WWOX: variants seen among roughly 807,000 people sequenced by gnomAD.
WWOX encodes the protein WW domain containing oxidoreductase.
A neutral mutation model predicts 46.2 loss-of-function variants in WWOX; 69 were observed. The ratio of observed to expected loss-of-function variants is 1.49; its 90% CI spans 1.23 to 1.82. The LOEUF is 1.82. Among genes scored for constraint, WWOX ranks in the 40% most tolerant of loss-of-function variants. The probability of loss-of-function intolerance (pLI) is 0.00; values close to 1 mark genes in which losing one functional copy is unlikely to be tolerated. For synonymous variants in WWOX, 359 were observed against 202.6 expected, an observed-to-expected ratio of 1.77 and a Z score of -6.56; for missense variants, 919 against 542.6, an observed-to-expected ratio of 1.69 and a Z score of -6.89.
chr16:78,630,596 G>T (rs971118407), intron 8 of WWOX, among the ~76,000 whole-genome samples: 1 of 152,172 alleles, frequency 6.6e-6, no homozygotes, highest in Non-Finnish European at 1.5e-5. Context: ...GACCCCACTG[G>T]AAGAGGACAT....
At chr16:78,392,039 T>C (rs2082185829) in intron 6 of WWOX, among the ~76,000 whole-genome samples, 1 of 151,836 alleles carries the variant, frequency 6.6e-6, no homozygotes, top group African/African-American at 2.4e-5. Flanking sequence ...ATGCAACAGA[T>C]TTAAGGGACC....
intron 6 of WWOX, among the ~76,000 whole-genome samples, chr16:78,398,420 G>C (rs911225936): frequency 6.6e-6 from 1 of 152,144 alleles, no homozygotes; most frequent in Non-Finnish European, 1.5e-5. Context: ...ATTCCAAAGT[G>C]ACAATGAGGG....
intron 8 of WWOX, among the ~76,000 whole-genome samples, chr16:79,043,409 C>G (rs956755279): frequency 6.6e-6 from 1 of 152,080 alleles, no homozygotes; most frequent in African/African-American, 2.4e-5. Flanking sequence ...AAAATTAAGA[C>G]CAACATTGAG....
chr16:79,206,468 A>G (rs1284659831), intron 8 of WWOX: 1 of 152,214 alleles, frequency 6.6e-6, no homozygotes, highest in Non-Finnish European at 1.5e-5. Flanking sequence ...AAATGGAAAT[A>G]CTAACTGTCC....
chr16:79,001,727 G>C (rs1477313397), intron 8 of WWOX, among the ~76,000 whole-genome samples: 1 of 151,396 alleles, frequency 6.6e-6, no homozygotes, highest in African/African-American at 2.4e-5. Context: ...GAGAGAGGGG[G>C]AAATGTGGAG....
chr16:78,137,849 A>T (rs771491357), intron 4 of WWOX, among the ~76,000 whole-genome samples: 3 of 137,814 alleles, frequency 2.2e-5, no homozygotes, highest in Admixed American at 7.0e-5. Context: ...AGCAGTATCC[A>T]TACTCTTAAT....
intron 8 of WWOX, among the ~76,000 whole-genome samples, chr16:79,032,332 T>A (rs1386828851): frequency 1.4e-5 from 2 of 146,520 alleles, no homozygotes; most frequent in Non-Finnish European, 3.0e-5. Flanking sequence ...TATATTATAT[T>A]ATAATGTATG....
Position 78,308,806 on chromosome 16 carries a change from C to G in WWOX, c.517-78054C>G, listed in dbSNP as rs573588274. On this transcript the variant is annotated intron_variant, in intron 5 of 8. Transcript: ENST00000566780. Reference sequence around the variant, plus strand: ...TGGACTTATCTTAACCCAGATAGTCCTTTCTACTGATGCCAGGTGTTTAGC... The same window carrying G: ...TGGACTTATCTTAACCCAGATAGTCGTTTCTACTGATGCCAGGTGTTTAGC... Among the ~76,000 whole-genome samples the G allele has an allele frequency of 1.3e-3, 193 of 152,266 alleles. 2 individuals are homozygous for G. Among genetic ancestry groups the G allele is most frequent in the African/African-American group, 4.3e-3 (179 of 41,550 alleles).
At chr16:78,360,865 G>T (rs1361846899) in intron 5 of WWOX, among the ~76,000 whole-genome samples, 1 of 151,608 alleles carries the variant, frequency 6.6e-6, no homozygotes, top group East Asian at 1.9e-4. Flanking sequence ...CTGTCACCCA[G>T]GCTGGAGCAC....
At chr16:78,319,501 G>T (rs1411232771) in intron 5 of WWOX, among the ~76,000 whole-genome samples, 5 of 151,858 alleles carry the variant, frequency 3.3e-5, no homozygotes, top group Non-Finnish European at 5.9e-5. Flanking sequence ...GGCTCAAGCG[G>T]TCCTCCCTCC....
chr16:78,482,740 G>A (rs16947672), intron 8 of WWOX, among the ~76,000 whole-genome samples: 1,727 of 152,204 alleles, frequency 0.011, 22 homozygotes, highest in Middle Eastern at 0.027. Context: ...ACTTATTGGC[G>A]CTAAGACTGT....
chr16:78,167,304 A>G (rs943502583), intron 5 of WWOX: 4 of 152,156 alleles, frequency 2.6e-5, no homozygotes, highest in African/African-American at 9.7e-5. Flanking sequence ...ATCTTTAAGG[A>G]AAAAGGTTGG....
intron 8 of WWOX, among the ~76,000 whole-genome samples, chr16:79,211,063 A>C (rs1456104700): frequency 2.0e-5 from 1 of 49,650 alleles, no homozygotes; most frequent in African/African-American, 5.0e-5. Context: ...GTGTGCATTA[A>C]ATGTTTTAAC....
chr16:79,061,813 C>T (rs552906874), intron 8 of WWOX, among the ~76,000 whole-genome samples: 1 of 151,994 alleles, frequency 6.6e-6, no homozygotes, highest in South Asian at 2.1e-4. Context: ...AGGCTCTGTA[C>T]TGGGTTCTTT....
At chr16:78,783,895 G>GAT in intron 8 of WWOX, among the ~76,000 whole-genome samples, 1 of 150,706 alleles carries the variant, frequency 6.6e-6, no homozygotes, top group Non-Finnish European at 1.5e-5. Flanking sequence ...TGGTGATGAT[G>GAT]GTGATGACGA....
chr16:78,509,544 G>A (rs1310011625), intron 8 of WWOX, among the ~76,000 whole-genome samples: 1 of 152,128 alleles, frequency 6.6e-6, no homozygotes, highest in Non-Finnish European at 1.5e-5. Context: ...ATCTACGTCT[G>A]TTGTGTCTAT....
intron 5 of WWOX, among the ~76,000 whole-genome samples, chr16:78,258,099 C>T (rs2038179532): frequency 6.6e-6 from 1 of 151,982 alleles, no homozygotes; most frequent in Admixed American, 6.6e-5. Flanking sequence ...AAATATTCTC[C>T]CTATAATTAA....
In WWOX at chr16:78,741,688, A is replaced by G. The variant is rs1040492479; in HGVS notation, c.1056+308936A>G. Reference sequence around the variant, plus strand: ...TGGCCAACATGGCAAAACCCTGTCTATACTAAAAATACAGAAATCAGTGGG... The same window carrying G: ...TGGCCAACATGGCAAAACCCTGTCTGTACTAAAAATACAGAAATCAGTGGG... On this transcript the variant is annotated intron_variant, in intron 8 of 8. Transcript: ENST00000566780. Among the ~76,000 whole-genome samples, 12 of 152,046 alleles carry G rather than the reference A, an allele frequency of 7.9e-5. No homozygotes were observed. The East Asian group carries it at 1.4e-3, about 17-fold the overall frequency.
intron 5 of WWOX, among the ~76,000 whole-genome samples, chr16:78,354,292 G>C (rs899830946): frequency 2.8e-5 from 4 of 143,002 alleles, no homozygotes; most frequent in Non-Finnish European, 6.0e-5. Flanking sequence ...GGAGAAGACA[G>C]TGTCTGCTGA....
Sources: allele counts gnomAD v4.1 joint callset (sites outside exome capture counted in the v4.1 genomes callset), GRCh38; gene constraint gnomAD v4.1.1; transcripts MANE v1.5; gene names NCBI Gene and HGNC (gene_info 2026-07-23, HGNC 2026-07-21).